Variants in TMEM272 observed in about 807,000 individuals in gnomAD.
TMEM272 encodes the protein long intergenic non-protein coding RNA 282.
In TMEM272, 8 loss-of-function variants were observed where a neutral mutation model predicts 3.7. The observed-to-expected ratio is 2.17, with a 90% CI of 1.27 to 3.91. TMEM272 has a LOEUF of 3.91. Among genes scored for constraint, TMEM272 ranks in the 30% most tolerant of loss-of-function variants. The pLI is 0.00. For missense variants in TMEM272, 166 were observed against 91.5 expected, an observed-to-expected ratio of 1.81 and a Z score of -3.32; for synonymous variants, 63 against 39.8, an observed-to-expected ratio of 1.58 and a Z score of -2.20.
the TMEM272 span, among the ~76,000 whole-genome samples, chr13:51,891,686 G>A: frequency 6.6e-6 from 1 of 152,182 alleles, no homozygotes; most frequent in East Asian, 1.9e-4. Context: ...CGCAGGGGTG[G>A]GTTGCAGGAG....
At chr13:51,827,464 T>A (rs1389388909) in intron 2 of TMEM272, among the ~76,000 whole-genome samples, 3 of 152,238 alleles carry the variant, frequency 2.0e-5, no homozygotes, top group Non-Finnish European at 4.4e-5. Flanking sequence ...TCCTCATCTG[T>A]TCTCCAGATC....
the TMEM272 span, among the ~76,000 whole-genome samples, chr13:51,919,701 G>C: frequency 6.6e-6 from 1 of 152,180 alleles, no homozygotes; most frequent in African/African-American, 2.4e-5. Flanking sequence ...TCCCTAAGCA[G>C]ACGTCTCGGC....
upstream of TMEM272, among the ~76,000 whole-genome samples, chr13:51,849,632 T>G (rs185673791): frequency 6.6e-6 from 1 of 151,152 alleles, no homozygotes; most frequent in African/African-American, 2.5e-5. Flanking sequence ...CAGCCCCAAT[T>G]TCAGCGGTCG....
the TMEM272 span, among the ~76,000 whole-genome samples, chr13:51,907,592 T>C: frequency 6.6e-6 from 1 of 152,202 alleles, no homozygotes; most frequent in African/African-American, 2.4e-5. Flanking sequence ...CTGCTCACCT[T>C]GCCTCACTCA....
At position 51,838,499 on chromosome 13, in the gene TMEM272, T is replaced by C. The variant is rs554737621; in HGVS notation, c.32A>G (p.Gln11Arg). The stretch of plus-strand genomic sequence containing the variant: ...ATTGCTGGCGATTTTAGAAATGCAC[T>C]GATGACACGTTTTCTCCAGACCTCC... MPGGLEKTCH[Q>R]CISKIASNAC... Residue 11 changes from glutamine (Q) to arginine (R), a missense_variant, in exon 2 of 5, where the codon CAG becomes CGG. Gln to Arg is a conservative substitution (Grantham distance 43). Coordinates refer to ENST00000629372, the MANE Select transcript of TMEM272 (RefSeq NM_001351003.2). The C allele has an allele frequency of 1.4e-6, 1 of 702,942 alleles. No individual in the cohort carries two copies. Among genetic ancestry groups the C allele is most frequent in the South Asian group, 1.5e-5 (1 of 67,614 alleles). 43.5% of individuals were successfully genotyped at this position (702,942 alleles called of 1,614,324 possible).
intron 3 of TMEM272, among the ~76,000 whole-genome samples, chr13:51,824,103 C>T (rs960757306): frequency 2.6e-5 from 4 of 152,238 alleles, no homozygotes; most frequent in African/African-American, 9.6e-5. Flanking sequence ...GATATCTGCT[C>T]ATTCCCAATG....
chr13:51,922,269 C>T, the TMEM272 span, among the ~76,000 whole-genome samples: 3 of 152,126 alleles, frequency 2.0e-5, no homozygotes, highest in South Asian at 4.2e-4. Context: ...AGAAAAGAGC[C>T]CTGTTTATAC....
At chr13:51,866,184 T>C in the TMEM272 span, 6 of 981,744 alleles carry the variant, frequency 6.1e-6, no homozygotes, top group Middle Eastern at 8.5e-4. Flanking sequence ...ATTGGTCTCC[T>C]TGCTTTGAAA....
At chr13:51,854,994 T>C in the TMEM272 span, among the ~76,000 whole-genome samples, 1 of 152,154 alleles carries the variant, frequency 6.6e-6, no homozygotes, top group African/African-American at 2.4e-5. Context: ...ATCTCAGAGA[T>C]ACCTAGGCAG....
chr13:51,916,919 C>T, the TMEM272 span, among the ~76,000 whole-genome samples: 1 of 152,218 alleles, frequency 6.6e-6, no homozygotes, highest in African/African-American at 2.4e-5. Context: ...CATCCTCAGG[C>T]TCTGGGAAGC....
rs114784176 is a variant in TMEM272 at position 51,815,013 on chromosome 13, G to A, written c.*1738C>T. ...TCACAGATGTCCAAGCATTGGCTAAGTGACTGGGAATGGCTGACGAGTCAT... is the reference window on the plus strand; with the variant it reads ...TCACAGATGTCCAAGCATTGGCTAAATGACTGGGAATGGCTGACGAGTCAT... On this transcript the variant is annotated 3_prime_UTR_variant, in exon 5 of 5. Coordinates refer to ENST00000629372, the MANE Select transcript of TMEM272 (RefSeq NM_001351003.2). The A allele has an allele frequency of 6.5e-6, 1 of 152,802 alleles. No individual in the cohort carries two copies. Among genetic ancestry groups the A allele is most frequent in the Admixed American group, 6.5e-5 (1 of 15,282 alleles). The allele number at this position is 152,802 out of a possible 1,614,324, so 9.5% of individuals were successfully genotyped here.
intron 1 of TMEM272, among the ~76,000 whole-genome samples, chr13:51,840,020 T>A (rs555137002): frequency 6.6e-6 from 1 of 152,182 alleles, no homozygotes; most frequent in Admixed American, 6.5e-5. Context: ...CCTGCCAAGG[T>A]CTTCCACATG....
chr13:51,846,327 C>T (rs530786418), upstream of TMEM272, among the ~76,000 whole-genome samples: 6 of 152,292 alleles, frequency 3.9e-5, no homozygotes, highest in South Asian at 1.2e-3. Flanking sequence ...TATAATGGAA[C>T]TAAAAAATTC....
the TMEM272 span, among the ~76,000 whole-genome samples, chr13:51,900,227 T>C: frequency 6.6e-6 from 1 of 152,204 alleles, no homozygotes; most frequent in African/African-American, 2.4e-5. Context: ...TGGGAGAAGA[T>C]ACTTGCAAGT....
At chr13:51,904,017 T>G in the TMEM272 span, among the ~76,000 whole-genome samples, 2 of 148,248 alleles carry the variant, frequency 1.3e-5, no homozygotes, top group African/African-American at 5.0e-5. Flanking sequence ...GGCCAATAAC[T>G]CTTAACAAAA....
chr13:51,839,777 C>G (rs1169343273), intron 1 of TMEM272, among the ~76,000 whole-genome samples: 2 of 152,224 alleles, frequency 1.3e-5, no homozygotes, highest in Non-Finnish European at 2.9e-5. Flanking sequence ...CCGCCAGCGT[C>G]AGCATGGGCC....
rs558911477 is a variant in TMEM272, at chr13:51,815,176, G to A, written c.*1575C>T. The A allele has an allele frequency of 7.8e-5, 12 of 153,046 alleles. No individual in the cohort carries two copies. The highest frequency in any genetic ancestry group is 6.5e-4 in the Admixed American group (10 of 15,312). The allele number at this position is 153,046 out of a possible 1,614,324, so 9.5% of individuals were successfully genotyped here. On this transcript the variant is annotated 3_prime_UTR_variant, in exon 5 of 5. Transcript: ENST00000629372. ...GTGAGGATGGAATTGGGCATCATAG[G>A]TGAGGTAGGATCTGCAAACTGCACA...
rs1203586690 is a variant in TMEM272, at chr13:51,816,981, T to C, written c.334A>G (p.Ser112Gly). 4 of 703,030 alleles carry C rather than the reference T, an allele frequency of 5.7e-6. No homozygotes were observed. Among genetic ancestry groups the C allele is most frequent in the Non-Finnish European group, 1.0e-5 (4 of 385,008 alleles). The allele number at this position is 703,030 out of a possible 1,614,324, so 43.5% of individuals were successfully genotyped here. A position where few individuals can be genotyped will look rare whatever the true frequency, so the allele number is the denominator to read the frequency against. Residue 112 changes from serine (S) to glycine (G), a missense_variant, in exon 5 of 5, where the codon AGC becomes GGC. Physicochemically the swap from Ser to Gly is moderately conservative, Grantham distance 56. Coordinates refer to ENST00000629372, the MANE Select transcript of TMEM272 (RefSeq NM_001351003.2). Reference protein sequence around the residue: ...AHRYYIHLLLSLFLFLWFILG... With the variant: ...AHRYYIHLLLGLFLFLWFILG... Reference sequence around the variant, plus strand: ...ATGAACCAGAGGAAGAGGAAGAGGCTCAGCAGGAGGTGGATGTAGTATCTG... The same window carrying C: ...ATGAACCAGAGGAAGAGGAAGAGGCCCAGCAGGAGGTGGATGTAGTATCTG...
intron 3 of TMEM272, among the ~76,000 whole-genome samples, chr13:51,825,899 A>G (rs1956120961): frequency 6.6e-6 from 1 of 151,928 alleles, no homozygotes. Context: ...GTGAGCCACC[A>G]TGCCCAGCCA....
Sources: gnomAD v4.1 joint callset for allele counts (sites outside exome capture counted in the v4.1 genomes callset) on GRCh38, gnomAD v4.1.1 for gene constraint, MANE v1.5 for transcripts, NCBI Gene and HGNC (gene_info 2026-07-23, HGNC 2026-07-21) for gene names.